CREB5: variants seen among roughly 807,000 people sequenced by gnomAD.
CREB5 encodes the protein cyclic AMP-responsive element-binding protein 5.
A neutral mutation model predicts 57.1 loss-of-function variants in CREB5; 19 were observed. That is an observed-to-expected ratio of 0.33 (90% confidence interval 0.23 to 0.49). CREB5 has a LOEUF of 0.49. Among genes scored for constraint, CREB5 ranks in the 20% least tolerant of loss-of-function variants. The pLI is 0.99. For synonymous variants in CREB5, 238 were observed against 238.3 expected, an observed-to-expected ratio of 1.00 and a Z score of 0.01; for missense variants, 579 against 671.6, an observed-to-expected ratio of 0.86 and a Z score of 1.52.
rs117721107 is a variant in CREB5, at chr7:28,701,826, G to A, written c.465-16927G>A. On this transcript the variant is annotated intron_variant, in intron 5 of 10. Coordinates refer to ENST00000357727, the MANE Select transcript of CREB5 (RefSeq NM_182898.4). Reference sequence around the variant, plus strand: ...AAGGAATTGTATCAGTTTCCAGGACGTTGTAAAACAAAATATTTAAAGTAT... The same window carrying A: ...AAGGAATTGTATCAGTTTCCAGGACATTGTAAAACAAAATATTTAAAGTAT... Among the ~76,000 whole-genome samples, 16 of 152,258 alleles carry A rather than the reference G, an allele frequency of 1.1e-4. No homozygotes were observed. In the East Asian group the frequency reaches 1.2e-3, roughly 11 times the overall value.
chr7:28,516,199 G>A (rs1333545370), intron 4 of CREB5, among the ~76,000 whole-genome samples: 3 of 151,938 alleles, frequency 2.0e-5, no homozygotes, highest in Non-Finnish European at 4.4e-5. Context: ...GTGACAGAGC[G>A]ACACCTTGTA....
intron 4 of CREB5, among the ~76,000 whole-genome samples, chr7:28,542,373 G>C (rs966824063): frequency 1.3e-5 from 2 of 152,090 alleles, no homozygotes; most frequent in African/African-American, 2.4e-5. Flanking sequence ...ACCCCTCTTC[G>C]GGGGGCAGGG....
chr7:28,376,956 A>G (rs1004957349), intron 1 of CREB5, among the ~76,000 whole-genome samples: 1 of 152,212 alleles, frequency 6.6e-6, no homozygotes, highest in East Asian at 1.9e-4. Flanking sequence ...TCTATTCCCA[A>G]TCATACAATT....
chr7:28,354,147 G>C (rs1001574340), intron 1 of CREB5, among the ~76,000 whole-genome samples: 1 of 152,156 alleles, frequency 6.6e-6, no homozygotes, highest in Admixed American at 6.5e-5. Flanking sequence ...TCTAAATTAA[G>C]TATGGAAGGA....
intron 1 of CREB5, among the ~76,000 whole-genome samples, chr7:28,340,156 T>A (rs575657318): frequency 2.6e-5 from 4 of 152,144 alleles, no homozygotes; most frequent in Non-Finnish European, 4.4e-5. Context: ...GTACCTAAGG[T>A]GCAAGATAAA....
intron 5 of CREB5, among the ~76,000 whole-genome samples, chr7:28,708,078 T>C (rs955561979): frequency 1.3e-5 from 2 of 152,132 alleles, no homozygotes; most frequent in African/African-American, 4.8e-5. Context: ...GGGTTTTTGG[T>C]GATTTGATCA....
intron 1 of CREB5, among the ~76,000 whole-genome samples, chr7:28,380,445 C>T (rs1301122337): frequency 6.6e-6 from 1 of 152,176 alleles, no homozygotes; most frequent in African/African-American, 2.4e-5. Context: ...ACCAGGTCTG[C>T]TGCGATGGTG....
At chr7:28,771,030 G>GA (rs1253846526) in intron 7 of CREB5, among the ~76,000 whole-genome samples, 2 of 152,206 alleles carry the variant, frequency 1.3e-5, no homozygotes, top group Non-Finnish European at 1.5e-5. Flanking sequence ...TGGTGCACCT[G>GA]AAAATCACAA....
At chr7:28,571,286 G>C (rs907818781) in intron 5 of CREB5, among the ~76,000 whole-genome samples, 2 of 152,172 alleles carry the variant, frequency 1.3e-5, no homozygotes, top group African/African-American at 2.4e-5. Flanking sequence ...TGAAACTGTA[G>C]AAAGCAAAAC....
rs80011549 is a variant in CREB5 at position 28,730,975 on chromosome 7, C to T, written c.702+6643C>T. ...TAAGATTAGGCTCAAATTAGTAGCT[C>T]AGGCCCCACCACCTCTTTGCTTATG... On this transcript the variant is annotated intron_variant, in intron 7 of 10. Transcript: ENST00000357727. Among the ~76,000 whole-genome samples, 1,436 of 152,304 alleles carry T rather than the reference C, an allele frequency of 9.4e-3. 23 individuals carry two copies. The highest frequency in any genetic ancestry group is 0.033 in the African/African-American group (1,380 of 41,558).
chr7:28,559,672 A>G (rs894408674), intron 4 of CREB5, among the ~76,000 whole-genome samples: 2 of 152,196 alleles, frequency 1.3e-5, no homozygotes, highest in East Asian at 1.9e-4. Flanking sequence ...CCTGACTTAG[A>G]CAAGAGGAAA....
intron 5 of CREB5, among the ~76,000 whole-genome samples, chr7:28,672,175 GAAA>G (rs201063096): frequency 1.4e-4 from 12 of 88,196 alleles, no homozygotes; most frequent in South Asian, 7.3e-4. Context: ...TTGTATTATG[GAAA>G]AAAAAAAAAA....
intron 7 of CREB5, among the ~76,000 whole-genome samples, chr7:28,793,738 C>A (rs1807865855): frequency 1.3e-5 from 2 of 152,220 alleles, no homozygotes; most frequent in South Asian, 4.1e-4. Flanking sequence ...CAGCACACTG[C>A]CAAATCCTGC....
rs1475102007 is a variant in CREB5 at position 28,820,342 on chromosome 7, A to G, written c.*1063A>G. ...ACGTTGAAAATCCATGTACTACATA[A>G]TAATTCAGAAGGGCTCTATTCACTA... On this transcript the variant is annotated 3_prime_UTR_variant, in exon 11 of 11. Coordinates refer to ENST00000357727, the MANE Select transcript of CREB5 (RefSeq NM_182898.4). 1.3e-5 allele frequency: 2 copies of G among 152,738 alleles called. No individual in the cohort carries two copies. The highest frequency in any genetic ancestry group is 3.9e-4 in the East Asian group (2 of 5,190). 9.5% of individuals were successfully genotyped at this position (152,738 alleles called of 1,614,324 possible).
chr7:28,374,078 T>C (rs1219682906), intron 1 of CREB5, among the ~76,000 whole-genome samples: 1 of 152,092 alleles, frequency 6.6e-6, no homozygotes, highest in Non-Finnish European at 1.5e-5. Context: ...AAATGCTTAA[T>C]TAAAGAAGAC....
At chr7:28,320,585 G>A (rs1288992500) in intron 1 of CREB5, among the ~76,000 whole-genome samples, 1 of 152,184 alleles carries the variant, frequency 6.6e-6, no homozygotes, top group Non-Finnish European at 1.5e-5. Context: ...CAGGAAATAT[G>A]GTGGAGATTG....
chr7:28,791,546 T>G (rs966566123), intron 7 of CREB5, among the ~76,000 whole-genome samples: 2 of 152,226 alleles, frequency 1.3e-5, no homozygotes, highest in Non-Finnish European at 2.9e-5. Context: ...GAATTTTCTA[T>G]ATCTCCAAAA....
chr7:28,408,497 C>G (rs1340641775), upstream of CREB5, among the ~76,000 whole-genome samples: 1 of 152,202 alleles, frequency 6.6e-6, no homozygotes, highest in Non-Finnish European at 1.5e-5. Context: ...ATCCTGCAGT[C>G]TGGCCCTGGC....
chr7:28,405,157 AG>A (rs771943068), intron 1 of CREB5, among the ~76,000 whole-genome samples: 3 of 152,230 alleles, frequency 2.0e-5, no homozygotes, highest in Non-Finnish European at 4.4e-5. Flanking sequence ...CCTTCAAATA[AG>A]GTAATGAAGA....
Sources: gnomAD v4.1 joint callset for allele counts (sites outside exome capture counted in the v4.1 genomes callset) on GRCh38, gnomAD v4.1.1 for gene constraint, MANE v1.5 for transcripts, NCBI Gene and HGNC (gene_info 2026-07-23, HGNC 2026-07-21) for gene names.